Variants in GSTT4 observed in about 807,000 individuals in gnomAD.
GSTT4 encodes the protein glutathione S-transferase theta 4, also known as glutathione S-transferase theta-4.
chr22:23,997,301 T>A (rs897903420), downstream of GSTT4, among the ~76,000 whole-genome samples: 1 of 152,000 alleles, frequency 6.6e-6, no homozygotes, highest in Non-Finnish European at 1.5e-5. Flanking sequence ...GGTGTAACCT[T>A]GAACTCTTGG....
downstream of GSTT4, chr22:23,998,267 T>C (rs2034140301): frequency 9.5e-6 from 1 of 105,576 alleles, no homozygotes; most frequent in Non-Finnish European, 2.1e-5. Flanking sequence ...TCACCAACTA[T>C]TATTACTCAC....
At chr22:23,990,635 A>AATAC in the GSTT4 span, among the ~76,000 whole-genome samples, 1 of 72,846 alleles carries the variant, frequency 1.4e-5, no homozygotes, top group Non-Finnish European at 3.0e-5. Context: ...TAAATAAATA[A>AATAC]ATAAATAAAT....
At position 24,003,750 on chromosome 22, in the gene GSTT4, G is replaced by A. The variant is rs2034289275; in HGVS notation, c.200+10C>T. 1 of 155,448 alleles carries A rather than the reference G, an allele frequency of 6.4e-6. No homozygotes were observed. Among genetic ancestry groups the A allele is most frequent in the Admixed American group, 6.5e-5 (1 of 15,296 alleles). The allele number at this position is 155,448 out of a possible 1,614,324, so 9.6% of individuals were successfully genotyped here. On this transcript the variant is annotated intron_variant, in intron 2 of 4. Transcript: ENST00000621179. ...AGACAGATGGTGCAAGGGCCCCAGG[G>A]AAGACTTACCTTTCACTTAAGATAA...
At chr22:24,003,169 A>G (rs1028091172) in intron 2 of GSTT4, among the ~76,000 whole-genome samples, 1 of 148,996 alleles carries the variant, frequency 6.7e-6, no homozygotes, top group African/African-American at 2.4e-5. Context: ...AAGAACTCTT[A>G]TCTCTGAAAA....
chr22:23,994,068 G>C (rs1479906446), downstream of GSTT4, among the ~76,000 whole-genome samples: 1 of 152,200 alleles, frequency 6.6e-6, no homozygotes, highest in Admixed American at 6.5e-5. Flanking sequence ...CTCCAAGATG[G>C]CCAAATGGAA....
the GSTT4 span, among the ~76,000 whole-genome samples, chr22:23,990,735 T>TTTCA: frequency 0.027 from 2,497 of 91,456 alleles, 189 homozygotes; most frequent in East Asian, 0.073. Flanking sequence ...AACGAGGCAG[T>TTTCA]TTGTTTTTTC....
In GSTT4 at chr22:23,998,458, T is replaced by TG. The variant is rs1024202502; in HGVS notation, c.*83_*84insC. ...AACAGTTGTTTTTTTGTTTTTTTGT[T>TG]TTTTTTTTTTTAACATTTCCTTTAA... On this transcript the variant is annotated 3_prime_UTR_variant, in exon 5 of 5. Coordinates refer to ENST00000621179, the MANE Select transcript of GSTT4 (RefSeq NM_001358664.2). 7 of 40,790 alleles carry TG rather than the reference T, an allele frequency of 1.7e-4. No homozygotes were observed. The highest frequency in any genetic ancestry group is 4.4e-4 in the African/African-American group (7 of 15,856). The allele number at this position is 40,790 out of a possible 1,614,324, so 2.5% of individuals were successfully genotyped here.
At chr22:23,997,784 C>T (rs114992621), downstream of GSTT4, among the ~76,000 whole-genome samples, 2,079 of 152,208 alleles carry the variant, frequency 0.014, 1 homozygote, top group African/African-American at 0.048. Flanking sequence ...GATCATTCTT[C>T]TTTAACTTAT....
chr22:23,994,557 A>G (rs906374040), downstream of GSTT4, among the ~76,000 whole-genome samples: 2 of 151,342 alleles, frequency 1.3e-5, no homozygotes, highest in Non-Finnish European at 2.9e-5. Flanking sequence ...CATTTAGCAT[A>G]ATGGTGTCAA....
At chr22:24,001,735 C>T (rs1436896401) in intron 2 of GSTT4, among the ~76,000 whole-genome samples, 9 of 152,386 alleles carry the variant, frequency 5.9e-5, no homozygotes, top group East Asian at 3.9e-4. Context: ...CCTGTAATCC[C>T]GGCACTTTGG....
the GSTT4 span, among the ~76,000 whole-genome samples, chr22:23,990,399 C>G: frequency 1.1e-5 from 1 of 91,956 alleles, no homozygotes; most frequent in Non-Finnish European, 2.4e-5. Flanking sequence ...CACTTGAGCT[C>G]AGGAGCTCAA....
downstream of GSTT4, among the ~76,000 whole-genome samples, chr22:23,995,922 C>T (rs967665214): frequency 6.6e-6 from 1 of 151,882 alleles, no homozygotes; most frequent in African/African-American, 2.4e-5. Context: ...GTGTATTAAT[C>T]TTGTACCCTG....
chr22:23,995,142 T>G (rs12159580), downstream of GSTT4, among the ~76,000 whole-genome samples: 37,638 of 143,224 alleles, frequency 0.26, 5,898 homozygotes, highest in African/African-American at 0.49. Flanking sequence ...TGTTTGTTTG[T>G]TTTTTTTTTG....
At chr22:24,003,703 C>A in intron 2 of GSTT4, 57 bp downstream of exon 2, 1 of 155,176 alleles carries the variant, frequency 6.4e-6, no homozygotes, top group Middle Eastern at 5.2e-4. Flanking sequence ...AATGCTTGCA[C>A]TGAACCTCCC....
chr22:23,998,779 A>G (rs546445321), intron 4 of GSTT4, 40 bp from the exon 5 acceptor site: 108 of 154,884 alleles, frequency 7.0e-4, no homozygotes, highest in African/African-American at 2.4e-3. Context: ...CAGCCTGGGG[A>G]CCAGCCCCAC....
intron 2 of GSTT4, among the ~76,000 whole-genome samples, chr22:24,003,030 GCAAT>G (rs2034268663): frequency 6.7e-6 from 1 of 150,230 alleles, no homozygotes; most frequent in Non-Finnish European, 1.5e-5. Flanking sequence ...GTGCAGTGGC[GCAAT>G]CAGAGTTCAC....
At chr22:23,997,890 T>A (rs1228395012), downstream of GSTT4, among the ~76,000 whole-genome samples, 6 of 152,200 alleles carry the variant, frequency 3.9e-5, no homozygotes, top group Non-Finnish European at 5.9e-5. Flanking sequence ...TTCAGGATAC[T>A]TTTTGATGTC....
At chr22:23,993,145 A>G in the GSTT4 span, among the ~76,000 whole-genome samples, 1 of 152,290 alleles carries the variant, frequency 6.6e-6, no homozygotes, top group Admixed American at 6.5e-5. Flanking sequence ...TTACTCAAGA[A>G]AAAGCTCTTT....
chr22:24,000,535 C>G (rs1378548773), intron 3 of GSTT4, among the ~76,000 whole-genome samples: 1 of 130,748 alleles, frequency 7.6e-6, no homozygotes, highest in Non-Finnish European at 1.5e-5. Flanking sequence ...TTGTCATCTT[C>G]TAATTTTCTA....
Sources: allele counts gnomAD v4.1 joint callset (sites outside exome capture counted in the v4.1 genomes callset), GRCh38; gene constraint gnomAD v4.1.1; transcripts MANE v1.5; gene names NCBI Gene and HGNC (gene_info 2026-07-23, HGNC 2026-07-21).